ZMAT5: variants seen among roughly 807,000 people sequenced by gnomAD.
ZMAT5 encodes zinc finger matrin-type 5, also known as zinc finger matrin-type protein 5.
In ZMAT5, 23 loss-of-function variants were observed where a neutral mutation model predicts 28.0. That is an observed-to-expected ratio of 0.82 (90% CI 0.59 to 1.16). The LOEUF is 1.16. Among genes scored for constraint, ZMAT5 ranks in the 50% most tolerant of loss-of-function variants. ZMAT5 has a pLI of 0.00. For missense variants in ZMAT5, 173 were observed against 212.7 expected, an observed-to-expected ratio of 0.81 and a Z score of 1.16; for synonymous variants, 76 against 84.1, an observed-to-expected ratio of 0.90 and a Z score of 0.52.
chr22:29,761,070 C>T (rs530539384), intron 1 of ZMAT5, among the ~76,000 whole-genome samples: 4 of 144,896 alleles, frequency 2.8e-5, no homozygotes, highest in African/African-American at 7.7e-5. Context: ...GTCAAGAGAT[C>T]GAGACCATCC....
chr22:29,741,674 G>T (rs1259282227), intron 3 of ZMAT5, among the ~76,000 whole-genome samples: 1 of 152,018 alleles, frequency 6.6e-6, no homozygotes, highest in African/African-American at 2.4e-5. Context: ...AAAGAGACAG[G>T]GTCCTCACTC....
chr22:29,733,983 G>A lies in ZMAT5; in HGVS notation c.384-2629C>T, dbSNP rs550334365. ...CTCTGGTGACCTGTTTGTCCTGTGC[G>A]TGAGGACAGGAGCCACTCTCTTGCA... is the stretch of plus-strand genomic sequence containing the variant. On this transcript the variant is annotated intron_variant, in intron 5 of 5. Coordinates refer to ENST00000344318, the MANE Select transcript of ZMAT5 (RefSeq NM_001003692.2). Among the ~76,000 whole-genome samples, 20 of 152,348 alleles carry A rather than the reference G, an allele frequency of 1.3e-4. No homozygotes were observed. In the South Asian group the frequency reaches 1.7e-3, roughly 13 times the overall value.
chr22:29,740,860 C>T (rs1601718730), intron 3 of ZMAT5, 130 bp from the exon 4 acceptor site: 12 of 778,400 alleles, frequency 1.5e-5, no homozygotes, highest in African/African-American at 3.5e-5. Flanking sequence ...AACCCTGATC[C>T]GGGACAGAAA....
intron 2 of ZMAT5, chr22:29,746,943 G>A (rs1569337739): frequency 6.6e-6 from 1 of 152,202 alleles, no homozygotes; most frequent in African/African-American, 2.4e-5. Flanking sequence ...CACTGCCCAT[G>A]AATTTTCCTG....
intron 1 of ZMAT5, among the ~76,000 whole-genome samples, chr22:29,766,642 G>T (rs1447952802): frequency 6.6e-6 from 1 of 152,214 alleles, no homozygotes. Context: ...GCCCAGGGGT[G>T]AGAGGAACAG....
In ZMAT5 at chr22:29,738,622, C is replaced by T. The variant is rs140405900; in HGVS notation, c.272-181G>A. Among the ~76,000 whole-genome samples the T allele has an allele frequency of 8.0e-4, 122 of 152,232 alleles. No homozygotes were observed. In the East Asian group the frequency reaches 0.015, roughly 19 times the overall value. On this transcript the variant is annotated intron_variant, in intron 4 of 5. Coordinates refer to ENST00000344318, the MANE Select transcript of ZMAT5 (RefSeq NM_001003692.2). Reference sequence around the variant, plus strand: ...CATCTGTGCACGAGGGCCCAGCACTCGGCCTCGCTCTGTTTTCCCATCAAA... The same window carrying T: ...CATCTGTGCACGAGGGCCCAGCACTTGGCCTCGCTCTGTTTTCCCATCAAA...
intron 2 of ZMAT5, among the ~76,000 whole-genome samples, chr22:29,743,022 G>A (rs1052411968): frequency 2.0e-5 from 3 of 151,824 alleles, no homozygotes; most frequent in African/African-American, 7.3e-5. Flanking sequence ...TTGAACTCCT[G>A]GGCTCACACG....
At chr22:29,738,463 G>A (rs2067929047) in intron 4 of ZMAT5, 22 bp from the exon 5 acceptor site, 1 of 1,599,070 alleles carries the variant, frequency 6.3e-7, no homozygotes, top group South Asian at 1.1e-5. Context: ...GGGAGACAAA[G>A]GCAAGTGAGG....
chr22:29,735,455 G>A (rs1478446532), intron 5 of ZMAT5, among the ~76,000 whole-genome samples: 2 of 152,228 alleles, frequency 1.3e-5, no homozygotes, highest in African/African-American at 2.4e-5. Context: ...GGCTCCAGTT[G>A]CAGAACAATC....
intron 2 of ZMAT5, among the ~76,000 whole-genome samples, chr22:29,744,673 G>A (rs971883513): frequency 6.6e-6 from 1 of 152,188 alleles, no homozygotes; most frequent in Non-Finnish European, 1.5e-5. Context: ...GGTGGGAGAA[G>A]AATTCCAGGC....
intron 1 of ZMAT5, among the ~76,000 whole-genome samples, chr22:29,760,412 T>C (rs1303600658): frequency 6.8e-6 from 1 of 147,882 alleles, no homozygotes; most frequent in African/African-American, 2.5e-5. Flanking sequence ...AGCGTGGTGG[T>C]GCACACCTGT....
intron 1 of ZMAT5, among the ~76,000 whole-genome samples, chr22:29,752,758 G>T (rs1041063817): frequency 5.3e-5 from 8 of 152,172 alleles, no homozygotes; most frequent in Non-Finnish European, 1.2e-4. Context: ...GCCCAGGTTG[G>T]TCTCAAACTC....
intron 1 of ZMAT5, among the ~76,000 whole-genome samples, chr22:29,752,709 C>T (rs1432952803): frequency 2.0e-5 from 3 of 152,312 alleles, no homozygotes; most frequent in Non-Finnish European, 1.5e-5. Flanking sequence ...CCCAAAATAA[C>T]GCTTTTTTAA....
intron 5 of ZMAT5, among the ~76,000 whole-genome samples, chr22:29,733,376 G>A (rs925209396): frequency 5.9e-5 from 9 of 152,142 alleles, no homozygotes; most frequent in African/African-American, 4.8e-5. Flanking sequence ...GGAGCCCTGG[G>A]AGTTTCCCCT....
chr22:29,737,902 C>T (rs757624612), intron 5 of ZMAT5, among the ~76,000 whole-genome samples: 2 of 8,652 alleles, frequency 2.3e-4, no homozygotes, highest in Non-Finnish European at 4.0e-4. Context: ...CGTCATCACG[C>T]CTGTGCAATC....
At chr22:29,731,690 T>G (rs2067847161) in intron 5 of ZMAT5, 2 of 258,092 alleles carry the variant, frequency 7.7e-6, no homozygotes, top group Non-Finnish European at 1.5e-5. Flanking sequence ...AAGGCAGATT[T>G]ATATGCACTG....
intron 5 of ZMAT5, chr22:29,731,956 T>A (rs1165137892): frequency 2.0e-5 from 3 of 152,228 alleles, no homozygotes; most frequent in African/African-American, 7.2e-5. Flanking sequence ...TCTAAATTTT[T>A]TTTTAAAGCC....
intron 2 of ZMAT5, 146 bp from the exon 3 acceptor site, chr22:29,742,626 CAGG>C: frequency 1.4e-6 from 1 of 729,610 alleles, no homozygotes; most frequent in Non-Finnish European, 2.3e-6. Context: ...GGAGTGGAAG[CAGG>C]AGATGACCAC....
At chr22:29,751,654 C>G (rs1266220682) in intron 1 of ZMAT5, among the ~76,000 whole-genome samples, 1 of 152,162 alleles carries the variant, frequency 6.6e-6, no homozygotes, top group Non-Finnish European at 1.5e-5. Flanking sequence ...GCTTGGAATC[C>G]AGGTAGCAGG....
Sources: gnomAD v4.1 joint callset for allele counts (sites outside exome capture counted in the v4.1 genomes callset) on GRCh38, gnomAD v4.1.1 for gene constraint, MANE v1.5 for transcripts, NCBI Gene and HGNC (gene_info 2026-07-23, HGNC 2026-07-21) for gene names.